Variants in MAP3K7 observed in about 807,000 individuals in gnomAD.
The protein encoded by MAP3K7 is TGF-beta activated kinase 1.
Under a neutral mutation model 84.8 loss-of-function variants are expected in MAP3K7, and 21 were observed. That is an observed-to-expected ratio of 0.25 (90% CI 0.18 to 0.36). The LOEUF (loss-of-function observed/expected upper bound fraction) is 0.36. Among genes scored for constraint, MAP3K7 ranks in the 10% least tolerant of loss-of-function variants. The probability of loss-of-function intolerance (pLI) is 1.00; values close to 1 mark genes in which losing one functional copy is unlikely to be tolerated. For synonymous variants in MAP3K7, 241 were observed against 247.7 expected, an observed-to-expected ratio of 0.97 and a Z score of 0.25; for missense variants, 503 against 747.7, an observed-to-expected ratio of 0.67 and a Z score of 3.82.
intron 4 of MAP3K7, among the ~76,000 whole-genome samples, chr6:90,560,618 C>T (rs1033204749): frequency 7.9e-5 from 12 of 152,090 alleles, no homozygotes; most frequent in African/African-American, 2.9e-4. Flanking sequence ...CCTTGGCCTC[C>T]CAAAGTGCTG....
intron 16 of MAP3K7, among the ~76,000 whole-genome samples, chr6:90,517,056 T>A (rs1035203210): frequency 2.6e-5 from 4 of 152,042 alleles, no homozygotes; most frequent in East Asian, 1.9e-4. Flanking sequence ...ATTCTACTTT[T>A]ATACTGATTC....
intron 15 of MAP3K7, among the ~76,000 whole-genome samples, 181 bp from the exon 16 acceptor site, chr6:90,518,743 T>C (rs572502069): frequency 2.2e-4 from 33 of 151,992 alleles, no homozygotes; most frequent in African/African-American, 7.9e-4. Flanking sequence ...TAACTCAGCA[T>C]TTAAATCTAT....
intron 12 of MAP3K7, chr6:90,536,610 T>G (rs558620013): frequency 1.9e-6 from 1 of 529,008 alleles, no homozygotes; most frequent in South Asian, 2.1e-5. Flanking sequence ...GTGTTTTAAC[T>G]CAAAAGTTGC....
Position 90,561,663 on chromosome 6 carries a change from C to T in MAP3K7, c.302G>A (p.Cys101Tyr). 6.2e-7 allele frequency: 1 copy of T among 1,610,836 alleles called. No individual in the cohort carries two copies. The highest frequency in any genetic ancestry group is 8.5e-7 in the Non-Finnish European group (1 of 1,177,156). The change falls in exon 4 of 17, where the codon TGT becomes TAT. Residue 101 changes from cysteine (C) to tyrosine (Y), a missense_variant. By Grantham distance (194) the Cys-to-Tyr change is radical. This residue lies in a region of MAP3K7 where 97 missense variants were observed against 270.8 expected (regional missense o/e 0.36). Transcript: ENST00000369329. ...KLYGACLNPVCLVMEYAEGGS... is the reference protein window; with the variant it reads ...KLYGACLNPVYLVMEYAEGGS... ...CCCTTCAGCATATTCCATCACAAGA[C>T]ACACCTAAAGGAAACATATATCAGA...
intron 3 of MAP3K7, 75 bp from the exon 4 acceptor site, chr6:90,561,742 C>T: frequency 1.0e-6 from 1 of 981,612 alleles, no homozygotes; most frequent in Non-Finnish European, 1.6e-6. Flanking sequence ...GAATTTAATT[C>T]ACTCCCCTGA....
chr6:90,580,166 TA>T (rs1404046999), intron 1 of MAP3K7, among the ~76,000 whole-genome samples: 1 of 152,136 alleles, frequency 6.6e-6, no homozygotes, highest in African/African-American at 2.4e-5. Flanking sequence ...TAAAAACACA[TA>T]AGGAGATTAT....
At chr6:90,556,131 A>G (rs1036451261) in intron 6 of MAP3K7, among the ~76,000 whole-genome samples, 1 of 152,242 alleles carries the variant, frequency 6.6e-6, no homozygotes, top group African/African-American at 2.4e-5. Context: ...AGATGACTCA[A>G]AATTTGCACT....
At chr6:90,525,952 G>C (rs1775308660) in intron 13 of MAP3K7, among the ~76,000 whole-genome samples, 1 of 152,116 alleles carries the variant, frequency 6.6e-6, no homozygotes, top group South Asian at 2.1e-4. Flanking sequence ...GGGCTCAAGT[G>C]ATCCTCCTTG....
chr6:90,516,814 A>T, intron 16 of MAP3K7, 133 bp from the exon 17 acceptor site: 1 of 638,362 alleles, frequency 1.6e-6, no homozygotes, highest in African/African-American at 1.9e-5. Flanking sequence ...CTAATCAAAT[A>T]TAATTATGGG....
intron 1 of MAP3K7, among the ~76,000 whole-genome samples, chr6:90,577,752 G>C (rs1777135483): frequency 1.3e-5 from 2 of 152,216 alleles, no homozygotes. Flanking sequence ...ATATTTATTA[G>C]AAATATAAAT....
At chr6:90,555,405 G>A (rs764921305) in intron 6 of MAP3K7, among the ~76,000 whole-genome samples, 6 of 152,070 alleles carry the variant, frequency 3.9e-5, no homozygotes, top group Admixed American at 1.3e-4. Flanking sequence ...ACGGGCGCCC[G>A]CCACCACGCC....
At chr6:90,547,816 T>C (rs961666113) in intron 10 of MAP3K7, among the ~76,000 whole-genome samples, 2 of 152,138 alleles carry the variant, frequency 1.3e-5, no homozygotes, top group East Asian at 1.9e-4. Flanking sequence ...GGGATTATTA[T>C]AGATAGGGAT....
intron 3 of MAP3K7, among the ~76,000 whole-genome samples, chr6:90,567,306 T>C (rs542039760): frequency 6.6e-6 from 1 of 152,254 alleles, no homozygotes; most frequent in Non-Finnish European, 1.5e-5. Context: ...ATTTTTGCAA[T>C]CTACGCATCT....
chr6:90,570,393 C>T (rs1776861758), intron 2 of MAP3K7, among the ~76,000 whole-genome samples: 1 of 152,102 alleles, frequency 6.6e-6, no homozygotes, highest in African/African-American at 2.4e-5. Context: ...TGCAAATGAG[C>T]TAATCAAAGG....
At chr6:90,537,819 G>A (rs900873348) in intron 12 of MAP3K7, among the ~76,000 whole-genome samples, 12 of 152,012 alleles carry the variant, frequency 7.9e-5, no homozygotes, top group East Asian at 3.9e-4. Context: ...GCAATTTTAG[G>A]CACATTTCAT....
Position 90,552,188 on chromosome 6 carries a change from G to A in MAP3K7, c.737-9C>T. The A allele has an allele frequency of 6.3e-7, 1 of 1,591,460 alleles. No individual in the cohort carries two copies. Among genetic ancestry groups the A allele is most frequent in the Non-Finnish European group, 8.6e-7 (1 of 1,162,366 alleles). Reference sequence around the variant, plus strand: ...CAGTGGTGGTCGAGTACCTACAATTGAAAATGAGAGGAAGGGGGGAAGAAT... The same window carrying A: ...CAGTGGTGGTCGAGTACCTACAATTAAAAATGAGAGGAAGGGGGGAAGAAT... On this transcript the variant is annotated splice_polypyrimidine_tract_variant and intron_variant, in intron 7 of 16. Coordinates refer to ENST00000369329, the MANE Select transcript of MAP3K7 (RefSeq NM_145331.3).
chr6:90,513,965 T>G lies in MAP3K7; in HGVS notation c.*2536A>C, dbSNP rs1474289935. ...TATGCGGTAAATATTCTTAACTGAT[T>G]ATTATTCAACTCAAAAAAGTGATTT... On this transcript the variant is annotated 3_prime_UTR_variant, in exon 17 of 17. Coordinates refer to ENST00000369329, the MANE Select transcript of MAP3K7 (RefSeq NM_145331.3). 1 of 152,114 alleles carries G rather than the reference T, an allele frequency of 6.6e-6. No homozygotes were observed. The highest frequency in any genetic ancestry group is 2.4e-5 in the African/African-American group (1 of 41,440). The allele number at this position is 152,114 out of a possible 1,614,324, so 9.4% of individuals were successfully genotyped here.
chr6:90,552,280 C>T, intron 7 of MAP3K7, 101 bp from the exon 8 acceptor site: 2 of 1,116,720 alleles, frequency 1.8e-6, no homozygotes, highest in Non-Finnish European at 2.5e-6. Context: ...TTTTATAGAT[C>T]TTGTAGTTTA....
intron 14 of MAP3K7, among the ~76,000 whole-genome samples, chr6:90,523,098 T>G (rs1303323787): frequency 6.6e-6 from 1 of 152,182 alleles, no homozygotes; most frequent in Non-Finnish European, 1.5e-5. Flanking sequence ...ATACTAATAT[T>G]GTGAACAGTT....
Sources: gnomAD v4.1 joint callset for allele counts (sites outside exome capture counted in the v4.1 genomes callset) on GRCh38, gnomAD v4.1.1 for gene constraint, gnomAD v4.1.1 regional missense constraint, MANE v1.5 for transcripts, NCBI Gene and HGNC (gene_info 2026-07-23, HGNC 2026-07-21) for gene names.